RASGRF1: variants seen among roughly 807,000 people sequenced by gnomAD.
RASGRF1 encodes ras-specific guanine nucleotide-releasing factor 1.
Under a neutral mutation model 138.7 loss-of-function variants are expected in RASGRF1, and 40 were observed. The ratio of observed to expected loss-of-function variants is 0.29; its 90% confidence interval spans 0.22 to 0.38. RASGRF1 has a LOEUF of 0.38. Among genes scored for constraint, RASGRF1 ranks in the 10% least tolerant of loss-of-function variants. The probability of loss-of-function intolerance (pLI) is 1.00; values close to 1 mark genes in which losing one functional copy is unlikely to be tolerated. For missense variants in RASGRF1, 1,108 were observed against 1,650.4 expected (o/e 0.67, Z 5.69); for synonymous variants, 614 against 663.2 (o/e 0.93, Z 1.14).
chr15:79,009,496 G>A (rs116643418), intron 13 of RASGRF1, among the ~76,000 whole-genome samples: 24 of 152,154 alleles, frequency 1.6e-4, no homozygotes, highest in African/African-American at 5.3e-4. Context: ...CCCATGTCAC[G>A]GATCCCAAAG....
chr15:79,048,092 A>T (rs560027892), intron 4 of RASGRF1, among the ~76,000 whole-genome samples: 1 of 152,320 alleles, frequency 6.6e-6, no homozygotes, highest in Middle Eastern at 3.4e-3. Flanking sequence ...AAAATGTTCC[A>T]ACCAGAATGC....
rs1416092129 is a variant in RASGRF1 at position 78,991,807 on chromosome 15, T to TG, written c.3028-14dup. On this transcript the variant is annotated splice_polypyrimidine_tract_variant and intron_variant, in intron 20 of 26. Transcript: ENST00000558480. Reference sequence around the variant, plus strand: ...TCACGCCTTCAGCCTGGTTTTGAGTTGGGGGAGCAACATTTTGAGTTAGGC... The same window carrying TG: ...TCACGCCTTCAGCCTGGTTTTGAGTTGGGGGGAGCAACATTTTGAGTTAGGC... 2 of 1,604,892 alleles carry TG rather than the reference T, an allele frequency of 1.2e-6. No individual in the cohort carries two copies. The highest frequency in any genetic ancestry group is 1.7e-6 in the Non-Finnish European group (2 of 1,172,194).
intron 14 of RASGRF1, chr15:79,005,578 T>C: frequency 2.0e-6 from 2 of 986,348 alleles, no homozygotes; most frequent in Non-Finnish European, 2.4e-6. Context: ...GCCAAGTCCT[T>C]CATTGCCCCA....
chr15:78,982,181 T>C (rs559861689), intron 23 of RASGRF1, among the ~76,000 whole-genome samples: 7 of 152,314 alleles, frequency 4.6e-5, no homozygotes, highest in East Asian at 1.9e-4. Context: ...CTAGCTCAGA[T>C]ACTCTAGAAT....
intron 3 of RASGRF1, among the ~76,000 whole-genome samples, chr15:79,052,836 G>A (rs563590171): frequency 1.3e-5 from 2 of 152,222 alleles, no homozygotes; most frequent in African/African-American, 2.4e-5. Flanking sequence ...GAGATGGGGA[G>A]CAGGGCCACA....
chr15:78,968,152 A>G (rs2055679618), intron 26 of RASGRF1, among the ~76,000 whole-genome samples: 1 of 151,932 alleles, frequency 6.6e-6, no homozygotes, highest in African/African-American at 2.4e-5. Context: ...CCTGAACTCA[A>G]GTAGCCTCCT....
intron 5 of RASGRF1, among the ~76,000 whole-genome samples, chr15:79,035,867 C>T (rs1221337043): frequency 6.6e-6 from 1 of 152,226 alleles, no homozygotes; most frequent in Admixed American, 6.5e-5. Context: ...CCAGTGACCG[C>T]CCCCGCTGTT....
intron 2 of RASGRF1, among the ~76,000 whole-genome samples, chr15:79,060,374 G>A (rs796106667): frequency 1.1e-4 from 16 of 152,330 alleles, no homozygotes; most frequent in African/African-American, 3.6e-4. Flanking sequence ...CCATTGACAC[G>A]TGCTGCTGGC....
chr15:79,064,321 C>T (rs916361907), intron 2 of RASGRF1, 99 bp downstream of exon 2: 4 of 1,121,952 alleles, frequency 3.6e-6, no homozygotes, highest in South Asian at 1.4e-5. Flanking sequence ...CCATGCCCTC[C>T]ACTTCATGGG....
rs1595917171 is a variant in RASGRF1 at position 79,027,929 on chromosome 15, G to A, written c.1263-70C>T. On this transcript the variant is annotated intron_variant, in intron 8 of 26. Transcript: ENST00000558480. This position sits in a 1 kb window ranked among gnomAD's most constrained non-coding sequence, Gnocchi z 4.8. Reference sequence around the variant, plus strand: ...CTTCCCAGGGAGGCGAGAATGCCAGGCTTCTGGCCAGACCTAGGAAGAAAG... The same window carrying A: ...CTTCCCAGGGAGGCGAGAATGCCAGACTTCTGGCCAGACCTAGGAAGAAAG... The A allele has an allele frequency of 1.3e-6, 2 of 1,486,322 alleles. No homozygotes were observed. The highest frequency in any genetic ancestry group is 2.3e-5 in the South Asian group (2 of 87,590). 92.1% of individuals were successfully genotyped at this position (1,486,322 alleles called of 1,614,324 possible). A position where few individuals can be genotyped will look rare whatever the true frequency, so the allele number is the denominator to read the frequency against.
chr15:79,053,892 C>A lies in RASGRF1; in HGVS notation c.532-4304G>T, dbSNP rs146777854. 2.9e-3 allele frequency among the ~76,000 whole-genome samples: 442 copies of A among 152,308 alleles called. 2 individuals carry two copies. Among genetic ancestry groups the A allele is most frequent in the African/African-American group, 9.8e-3 (408 of 41,568 alleles). ...CTCACATTTTCTTTTGTGCTTAGCCCTGCAAATTACAGAGCTGGTCATGAA... is the reference window on the plus strand; with the variant it reads ...CTCACATTTTCTTTTGTGCTTAGCCATGCAAATTACAGAGCTGGTCATGAA... On this transcript the variant is annotated intron_variant, in intron 3 of 26. Transcript: ENST00000558480.
At chr15:78,972,176 A>G (rs1351086354) in intron 25 of RASGRF1, among the ~76,000 whole-genome samples, 1 of 151,906 alleles carries the variant, frequency 6.6e-6, no homozygotes, top group Non-Finnish European at 1.5e-5. Context: ...GCTCAGTGCA[A>G]CCTCTGTCTC....
chr15:79,033,780 G>A (rs199716333), intron 6 of RASGRF1, among the ~76,000 whole-genome samples: 1 of 151,792 alleles, frequency 6.6e-6, no homozygotes, highest in East Asian at 1.9e-4. Context: ...AGTAGAGACG[G>A]GGTTTCACCA....
intron 11 of RASGRF1, among the ~76,000 whole-genome samples, chr15:79,018,534 T>A (rs1477937844): frequency 6.6e-6 from 1 of 152,204 alleles, no homozygotes; most frequent in Non-Finnish European, 1.5e-5. Context: ...CTGAATGGGT[T>A]CATGGTGTAA....
At chr15:79,043,112 A>G (rs552506238) in intron 5 of RASGRF1, among the ~76,000 whole-genome samples, 3 of 152,348 alleles carry the variant, frequency 2.0e-5, no homozygotes, top group South Asian at 4.1e-4. Context: ...AACCATTGAT[A>G]TAACCACCAG....
chr15:79,054,919 G>A (rs1427199383), intron 3 of RASGRF1, among the ~76,000 whole-genome samples: 1 of 152,198 alleles, frequency 6.6e-6, no homozygotes, highest in East Asian at 1.9e-4. Flanking sequence ...GGAATCCTCA[G>A]GAATATGTGG....
At chr15:79,007,329 T>G (rs982059253) in intron 13 of RASGRF1, among the ~76,000 whole-genome samples, 1 of 152,204 alleles carries the variant, frequency 6.6e-6, no homozygotes, top group Non-Finnish European at 1.5e-5. Context: ...CTTACGCCAC[T>G]GGAATCGTCT....
rs779668165 is a variant in RASGRF1, at chr15:79,058,383, C to T, written c.482G>A (p.Arg161Gln). The part of the protein sequence containing the change: ...ETEKTVAKQL[R>Q]QQIEDGEIEI... ...GATCTCCCCATCCTCGATCTGCTGC[C>T]GAAGCTGCTTGGCCACGGTCTTCTC... Residue 161 changes from arginine (R) to glutamine (Q), a missense_variant, in exon 3 of 27, where the codon CGG becomes CAG. Transcript: ENST00000558480. 1.2e-5 allele frequency: 19 copies of T among 1,614,156 alleles called. No homozygotes were observed. The highest frequency in any genetic ancestry group is 2.2e-5 in the East Asian group (1 of 44,870).
intron 24 of RASGRF1, among the ~76,000 whole-genome samples, chr15:78,976,673 G>A (rs983111928): frequency 2.0e-5 from 3 of 152,204 alleles, no homozygotes; most frequent in African/African-American, 7.2e-5. Context: ...AGGGACACAC[G>A]GCATAGGGAC....
Sources: gnomAD v4.1 joint callset for allele counts (sites outside exome capture counted in the v4.1 genomes callset) on GRCh38, gnomAD v4.1.1 for gene constraint, Gnocchi (gnomAD v3.1) non-coding constraint, MANE v1.5 for transcripts, NCBI Gene and HGNC (gene_info 2026-07-23, HGNC 2026-07-21) for gene names.